The following RNLS variants were observed in gnomAD, a reference collection of about 807,000 sequenced individuals.
RNLS encodes renalase, FAD dependent amine oxidase, also known as renalase.
In RNLS, 39 loss-of-function variants were observed where a neutral mutation model predicts 39.8. The ratio of observed to expected loss-of-function variants is 0.98; its 90% CI spans 0.76 to 1.28. The LOEUF is 1.28. RNLS is among the 50% of genes most tolerant of loss of function. RNLS has a pLI of 0.00. For missense variants in RNLS, 410 were observed against 413.3 expected, an observed-to-expected ratio of 0.99 and a Z score of 0.07; for synonymous variants, 147 against 150.7, an observed-to-expected ratio of 0.98 and a Z score of 0.18.
At chr10:88,191,652 T>C in the RNLS span, among the ~76,000 whole-genome samples, 2 of 152,216 alleles carry the variant, frequency 1.3e-5, no homozygotes, top group Non-Finnish European at 2.9e-5. Flanking sequence ...GCTAGCTCCA[T>C]TGTCAAGAGA....
Position 88,458,535 on chromosome 10 carries a change from T to C in RNLS, c.527-95810A>G, listed in dbSNP as rs1173859319. Among the ~76,000 whole-genome samples the C allele has an allele frequency of 3.9e-5, 6 of 152,334 alleles. No homozygotes were observed. The East Asian group carries it at 1.2e-3, about 29-fold the overall frequency. On this transcript the variant is annotated intron_variant, in intron 4 of 6. Coordinates refer to ENST00000331772, the MANE Select transcript of RNLS (RefSeq NM_001031709.3). ...TCTGCATTCTCTGCTGAATTCTTAC[T>C]GGCATTTGTGGTAACTGTGCTGGTA...
the RNLS span, among the ~76,000 whole-genome samples, chr10:88,229,778 T>C: frequency 6.6e-6 from 1 of 152,248 alleles, no homozygotes; most frequent in Non-Finnish European, 1.5e-5. Flanking sequence ...TGTGGCCTTT[T>C]GTGTCTCGCT....
intron 3 of RNLS, among the ~76,000 whole-genome samples, chr10:88,580,524 A>C (rs1188879217): frequency 6.6e-6 from 1 of 152,212 alleles, no homozygotes; most frequent in Non-Finnish European, 1.5e-5. Flanking sequence ...TTGGGTACTT[A>C]ACTGAATTAT....
At chr10:88,331,795 C>G (rs1481568926) in intron 5 of RNLS, among the ~76,000 whole-genome samples, 1 of 152,104 alleles carries the variant, frequency 6.6e-6, no homozygotes, top group African/African-American at 2.4e-5. Flanking sequence ...AGAGTTACTA[C>G]AATTTAGCTC....
chr10:88,389,931 T>A (rs1421440247), intron 4 of RNLS, among the ~76,000 whole-genome samples: 1 of 152,210 alleles, frequency 6.6e-6, no homozygotes, highest in Non-Finnish European at 1.5e-5. Context: ...CTGGCAACAC[T>A]GACACTGACT....
chr10:88,568,538 T>C (rs1849649235), intron 4 of RNLS, among the ~76,000 whole-genome samples: 1 of 152,176 alleles, frequency 6.6e-6, no homozygotes, highest in South Asian at 2.1e-4. Context: ...TGTTTTGTTT[T>C]AAGAGGTGTG....
chr10:88,357,234 T>C lies in RNLS; in HGVS notation c.700+5318A>G, dbSNP rs146569091. 5.1e-4 allele frequency among the ~76,000 whole-genome samples: 78 copies of C among 152,350 alleles called. 1 individual carries two copies. Among genetic ancestry groups the C allele is most frequent in the South Asian group, 1.7e-3 (8 of 4,824 alleles). On this transcript the variant is annotated intron_variant, in intron 5 of 6. Coordinates refer to ENST00000331772, the MANE Select transcript of RNLS (RefSeq NM_001031709.3). Reference sequence around the variant, plus strand: ...GTATGGTATTATTTTACTTATCTTATTGAGGAGGCAACAGATAGTTTAATT... The same window carrying C: ...GTATGGTATTATTTTACTTATCTTACTGAGGAGGCAACAGATAGTTTAATT...
chr10:88,237,087 G>T, the RNLS span, among the ~76,000 whole-genome samples: 17 of 152,048 alleles, frequency 1.1e-4, no homozygotes. Flanking sequence ...AAAGTCTTAT[G>T]AAGGAAACGT....
chr10:88,204,656 A>T, the RNLS span, among the ~76,000 whole-genome samples: 1 of 152,176 alleles, frequency 6.6e-6, no homozygotes, highest in Non-Finnish European at 1.5e-5. Context: ...GGGTATTATT[A>T]TCTTCTCCCC....
intron 4 of RNLS, among the ~76,000 whole-genome samples, chr10:88,504,308 T>C (rs780690018): frequency 1.1e-4 from 17 of 152,134 alleles, no homozygotes; most frequent in Non-Finnish European, 2.4e-4. Flanking sequence ...AAGATCTTTA[T>C]GAGTTGATAC....
At chr10:88,351,423 G>A (rs944495599) in intron 5 of RNLS, among the ~76,000 whole-genome samples, 7 of 152,262 alleles carry the variant, frequency 4.6e-5, no homozygotes, top group Non-Finnish European at 8.8e-5. Context: ...GTAAGGAAGG[G>A]ATCCAGTTTC....
At chr10:88,394,266 AT>A (rs1357198082) in intron 4 of RNLS, among the ~76,000 whole-genome samples, 2 of 152,118 alleles carry the variant, frequency 1.3e-5, no homozygotes, top group East Asian at 3.9e-4. Context: ...AACCTATAGC[AT>A]GGGAGAAAAT....
At chr10:88,483,216 A>C (rs1419306960) in intron 4 of RNLS, among the ~76,000 whole-genome samples, 2 of 152,098 alleles carry the variant, frequency 1.3e-5, no homozygotes, top group Non-Finnish European at 2.9e-5. Context: ...TCAGATTATC[A>C]TATGCCTCTG....
intron 4 of RNLS, among the ~76,000 whole-genome samples, chr10:88,387,502 C>CAAAA (rs5786817): frequency 2.3e-4 from 16 of 70,114 alleles, no homozygotes; most frequent in African/African-American, 3.1e-4. Context: ...GAGAACAGAG[C>CAAAA]AAAAAAAAAA....
At chr10:88,277,292 A>G (rs1403408881) in intron 6 of RNLS, among the ~76,000 whole-genome samples, 3 of 136,386 alleles carry the variant, frequency 2.2e-5, no homozygotes, top group Non-Finnish European at 4.6e-5. Flanking sequence ...ACTTGGACAC[A>G]GGGCGGGGAG....
intron 4 of RNLS, among the ~76,000 whole-genome samples, chr10:88,570,315 T>G (rs1297326745): frequency 6.6e-6 from 1 of 152,220 alleles, no homozygotes. Flanking sequence ...AAATAGAATA[T>G]GAATAGAATA....
chr10:88,225,167 C>T, the RNLS span, among the ~76,000 whole-genome samples: 50 of 152,284 alleles, frequency 3.3e-4, no homozygotes, highest in Non-Finnish European at 5.4e-4. Context: ...TGATATATGC[C>T]TCCTACTATC....
chr10:88,332,693 C>T (rs1034932858), intron 5 of RNLS, among the ~76,000 whole-genome samples: 2 of 152,070 alleles, frequency 1.3e-5, no homozygotes, highest in Non-Finnish European at 2.9e-5. Flanking sequence ...CCTGACAAAC[C>T]CTTACTTCCC....
the RNLS span, among the ~76,000 whole-genome samples, chr10:88,236,762 T>C: frequency 6.6e-6 from 1 of 152,146 alleles, no homozygotes; most frequent in African/African-American, 2.4e-5. Flanking sequence ...AGCCCCTGCT[T>C]TGATGGAATG....
Sources: allele counts gnomAD v4.1 joint callset (sites outside exome capture counted in the v4.1 genomes callset), GRCh38; gene constraint gnomAD v4.1.1; transcripts MANE v1.5; gene names NCBI Gene and HGNC (gene_info 2026-07-23, HGNC 2026-07-21).